Variants in PRRG2 observed in about 807,000 individuals in gnomAD.
The protein encoded by PRRG2 is transmembrane gamma-carboxyglutamic acid protein 2.
A neutral mutation model predicts 27.1 loss-of-function variants in PRRG2; 23 were observed. The ratio of observed to expected loss-of-function variants is 0.85; its 90% confidence interval spans 0.61 to 1.20. PRRG2 has a LOEUF of 1.20. Among genes scored for constraint, PRRG2 ranks in the 50% most tolerant of loss-of-function variants. PRRG2 has a pLI of 0.00. For synonymous variants in PRRG2, 104 were observed against 103.4 expected, an observed-to-expected ratio of 1.01 and a Z score of -0.03; for missense variants, 276 against 254.8, an observed-to-expected ratio of 1.08 and a Z score of -0.57.
At chr19:49,587,191 A>G (rs980556036) in intron 4 of PRRG2, among the ~76,000 whole-genome samples, 4 of 150,386 alleles carry the variant, frequency 2.7e-5, no homozygotes, top group Non-Finnish European at 4.4e-5. Flanking sequence ...GAGCCTCCCT[A>G]TGTTGCCCAG....
rs763555009 is a variant in PRRG2, at chr19:49,590,042, C to G, written c.580C>G (p.Pro194Ala). 4.3e-5 allele frequency: 66 copies of G among 1,521,744 alleles called. No homozygotes were observed. Among genetic ancestry groups the G allele is most frequent in the Non-Finnish European group, 5.4e-5 (62 of 1,140,320 alleles). The allele number at this position is 1,521,744 out of a possible 1,614,324, so 94.3% of individuals were successfully genotyped here. A position where few individuals can be genotyped will look rare whatever the true frequency, so the allele number is the denominator to read the frequency against. ...TGGGGTACACGACGCACCTCCACCC[C>G]CCTACACCAGGTATGGGGCGTGGCT... ...ASGVHDAPPP[P>A]YTSLRRPH is the part of the protein sequence containing the mutation. The change falls in exon 6 of 7, where the codon CCC becomes GCC. Residue 194 changes from proline (P) to alanine (A), a missense_variant. Pro to Ala is a conservative substitution (Grantham distance 27, BLOSUM62 -1). Transcript: ENST00000246794.
chr19:49,590,182 C>CGGGGGA, intron 6 of PRRG2, 130 bp downstream of exon 6: 1 of 1,378,166 alleles, frequency 7.3e-7, no homozygotes, highest in Non-Finnish European at 9.8e-7. Flanking sequence ...AGTGCGGGGG[C>CGGGGGA]GGGGCCCCAT....
intron 5 of PRRG2, among the ~76,000 whole-genome samples, chr19:49,588,988 C>T (rs1262899082): frequency 6.6e-6 from 1 of 152,046 alleles, no homozygotes; most frequent in Non-Finnish European, 1.5e-5. Flanking sequence ...ATGTCAGTTT[C>T]AGTGGTAACA....
In PRRG2 at chr19:49,590,194, C is replaced by G; in HGVS notation, c.590+142C>G. 5 of 1,398,384 alleles carry G rather than the reference C, an allele frequency of 3.6e-6. 1 individual carries two copies. In the South Asian group the frequency reaches 6.3e-5, roughly 18 times the overall value. 86.6% of individuals were successfully genotyped at this position (1,398,384 alleles called of 1,614,324 possible). On this transcript the variant is annotated intron_variant, in intron 6 of 6. Transcript: ENST00000246794. Reference sequence around the variant, plus strand: ...TGGAGTGCGGGGGCGGGGCCCCATGCAATGGTCTAGGGGCGTGGCCCAGCG... The same window carrying G: ...TGGAGTGCGGGGGCGGGGCCCCATGGAATGGTCTAGGGGCGTGGCCCAGCG...
At chr19:49,588,064 C>T (rs1437836164) in intron 4 of PRRG2, among the ~76,000 whole-genome samples, 2 of 151,988 alleles carry the variant, frequency 1.3e-5, no homozygotes, top group African/African-American at 4.8e-5. Flanking sequence ...TGAGTTCAAG[C>T]GATTCTCCTG....
rs754653128 is a variant in PRRG2, at chr19:49,589,968, C to A, written c.506C>A (p.Pro169Gln). 1 of 1,547,102 alleles carries A rather than the reference C, an allele frequency of 6.5e-7. No homozygotes were observed. The highest frequency in any genetic ancestry group is 2.4e-5 in the East Asian group (1 of 42,218). The change falls in exon 6 of 7, where the codon CCA (proline) becomes CAA (glutamine). Residue 169 changes from proline to glutamine, a missense_variant. By Grantham distance (76) the Pro-to-Gln change is moderately conservative. Transcript: ENST00000246794. ...CCACCGACGCCCCTGCCTCCACCCC[C>A]ACCCCCACCCCCAGGCCTCCCCACC... Reference protein sequence around the residue: ...LGPPTPLPPPPPPPPGLPTYE... With the variant: ...LGPPTPLPPPQPPPPGLPTYE...
At position 49,589,830 on chromosome 19, in the gene PRRG2, C is replaced by T; in HGVS notation, c.438-70C>T. On this transcript the variant is annotated intron_variant, in intron 5 of 6. Coordinates refer to ENST00000246794, the MANE Select transcript of PRRG2 (RefSeq NM_000951.3). ...CACCCTGAGTCTCCGTCTCCTAGAT[C>T]CCCTCTCTTCCTCCCTAGTCTAGGT... is the stretch of plus-strand genomic sequence containing the variant. 3.3e-6 allele frequency: 5 copies of T among 1,530,072 alleles called. No homozygotes were observed. The South Asian group carries it at 3.4e-5, about 10-fold the overall frequency. The allele number at this position is 1,530,072 out of a possible 1,614,324, so 94.8% of individuals were successfully genotyped here.
chr19:49,586,108 G>A (rs1196689010), intron 4 of PRRG2, among the ~76,000 whole-genome samples: 2 of 151,094 alleles, frequency 1.3e-5, no homozygotes, highest in African/African-American at 4.9e-5. Flanking sequence ...CAAGGAAATG[G>A]GGTCATTTTG....
chr19:49,589,346 G>A (rs543789636), intron 5 of PRRG2, among the ~76,000 whole-genome samples: 125 of 151,228 alleles, frequency 8.3e-4, no homozygotes, highest in African/African-American at 2.9e-3. Flanking sequence ...GGCTGGTTTC[G>A]AACTCCTGAC....
intron 4 of PRRG2, among the ~76,000 whole-genome samples, chr19:49,588,108 T>TA (rs1411385963): frequency 6.6e-6 from 1 of 151,662 alleles, no homozygotes; most frequent in Non-Finnish European, 1.5e-5. Flanking sequence ...ATTACAGGCA[T>TA]ATACCACCAT....
At position 49,588,651 on chromosome 19, in the gene PRRG2, G is replaced by A; in HGVS notation, c.437+19G>A. 6.6e-7 allele frequency: 1 copy of A among 1,519,356 alleles called. No homozygotes were observed. Among genetic ancestry groups the A allele is most frequent in the Non-Finnish European group, 8.8e-7 (1 of 1,140,048 alleles). The allele number at this position is 1,519,356 out of a possible 1,614,324, so 94.1% of individuals were successfully genotyped here. A position where few individuals can be genotyped will look rare whatever the true frequency, so the allele number is the denominator to read the frequency against. ...CCCAAGAGTAAGGGGGCTTCAGCGAGGAGGGGGTGGTGGTGGAGAGCAGGG... is the reference window on the plus strand; with the variant it reads ...CCCAAGAGTAAGGGGGCTTCAGCGAAGAGGGGGTGGTGGTGGAGAGCAGGG... On this transcript the variant is annotated intron_variant, in intron 5 of 6. Coordinates refer to ENST00000246794, the MANE Select transcript of PRRG2 (RefSeq NM_000951.3).
Position 49,589,895 on chromosome 19 carries a change from C to T in PRRG2, c.438-5C>T. Reference sequence around the variant, plus strand: ...CTCTGCTAACTGTACCTTTGCTGTCCCCAGGGCCGGGCTCATTAGCCCTCT... The same window carrying T: ...CTCTGCTAACTGTACCTTTGCTGTCTCCAGGGCCGGGCTCATTAGCCCTCT... On this transcript the variant is annotated splice_region_variant and splice_polypyrimidine_tract_variant and intron_variant, in intron 5 of 6. Transcript: ENST00000246794. 6.2e-7 allele frequency: 1 copy of T among 1,613,338 alleles called. No individual in the cohort carries two copies. The highest frequency in any genetic ancestry group is 8.5e-7 in the Non-Finnish European group (1 of 1,179,918).
upstream of PRRG2, chr19:49,581,273 A>G (rs2080620483): frequency 6.6e-6 from 1 of 152,000 alleles, no homozygotes; most frequent in Admixed American, 6.6e-5. Context: ...CCCTTTAAAT[A>G]CTTTGTCCCT....
At position 49,586,387 on chromosome 19, in the gene PRRG2, A is replaced by AT. The variant is rs34299965; in HGVS notation, c.302-2091dup. ...CAAGTGTGAGCCACCAAGCCCGGCC[A>AT]TTTTTTTTTTTTTTTTTTTAGAGAC... On this transcript the variant is annotated intron_variant, in intron 4 of 6. Coordinates refer to ENST00000246794, the MANE Select transcript of PRRG2 (RefSeq NM_000951.3). Among the ~76,000 whole-genome samples the AT allele has an allele frequency of 6.2e-4, 85 of 137,722 alleles. 1 individual carries two copies. In the East Asian group the frequency reaches 8.6e-3, roughly 14 times the overall value. 90.4% of individuals were successfully genotyped at this position (137,722 alleles called of 152,430 possible). A position where few individuals can be genotyped will look rare whatever the true frequency, so the allele number is the denominator to read the frequency against.
intron 1 of PRRG2, among the ~76,000 whole-genome samples, chr19:49,582,031 G>C (rs2080628518): frequency 1.3e-5 from 2 of 151,810 alleles, no homozygotes; most frequent in African/African-American, 4.8e-5. Flanking sequence ...CTTGAGGTCA[G>C]GAGTTTGAGA....
chr19:49,584,639 G>A (rs543688812), intron 4 of PRRG2, among the ~76,000 whole-genome samples: 1 of 152,216 alleles, frequency 6.6e-6, no homozygotes, highest in East Asian at 1.9e-4. Flanking sequence ...AATTTTTGTA[G>A]TTTTTGTACA....
In PRRG2 at chr19:49,583,568, C is replaced by A. The variant is rs761269258; in HGVS notation, c.112C>A (p.Gln38Lys). The part of the protein sequence containing the change: ...QEVFLGPPEA[Q>K]SFLSSHTRIP... ...AGTCTTCCTGGGTCCCCCAGAGGCC[C>A]AGAGCTTCCTGAGTAGCCATACCCG... is the stretch of plus-strand genomic sequence containing the variant. The change falls in exon 3 of 7, where the codon CAG (glutamine) becomes AAG (lysine). Residue 38 changes from glutamine (Q) to lysine (K), a missense_variant. By Grantham distance (53) the Gln-to-Lys change is moderately conservative (BLOSUM62 1). Coordinates refer to ENST00000246794, the MANE Select transcript of PRRG2 (RefSeq NM_000951.3). The A allele has an allele frequency of 1.9e-6, 3 of 1,614,088 alleles. No individual in the cohort carries two copies. Among genetic ancestry groups the A allele is most frequent in the Non-Finnish European group, 2.5e-6 (3 of 1,180,044 alleles).
rs759919260 is a variant in PRRG2, at chr19:49,590,361, C to T, written c.591-10C>T. ...ATCTTTGACTCCCTAGTGTGCCTTT[C>T]CTCTTGCAGCCTCAGGAGGCCTCAC... is the stretch of plus-strand genomic sequence containing the variant. On this transcript the variant is annotated splice_polypyrimidine_tract_variant and intron_variant, in intron 6 of 6. Transcript: ENST00000246794. 1.9e-6 allele frequency: 3 copies of T among 1,614,156 alleles called. No individual in the cohort carries two copies. The highest frequency in any genetic ancestry group is 2.5e-6 in the Non-Finnish European group (3 of 1,180,008).
In PRRG2 at chr19:49,583,706, A is replaced by C; in HGVS notation, c.250A>C (p.Asn84His). ...WEEAREYFED[N>H]TLTERFWESY... The stretch of plus-strand genomic sequence containing the variant: ...AGAGGCCAGGGAGTATTTTGAGGAC[A>C]ACACTCTCACGGTGAGGGCCTCGAG... The change falls in exon 3 of 7, where the codon AAC (asparagine) becomes CAC (histidine). Residue 84 changes from asparagine (N) to histidine (H), a missense_variant. Transcript: ENST00000246794. The C allele has an allele frequency of 6.2e-7, 1 of 1,613,964 alleles. No individual in the cohort carries two copies. The highest frequency in any genetic ancestry group is 8.5e-7 in the Non-Finnish European group (1 of 1,179,938).
Sources: gnomAD v4.1 joint callset for allele counts (sites outside exome capture counted in the v4.1 genomes callset) on GRCh38, gnomAD v4.1.1 for gene constraint, MANE v1.5 for transcripts, NCBI Gene and HGNC (gene_info 2026-07-23, HGNC 2026-07-21) for gene names.